The following CDH6 variants were observed in gnomAD, a reference collection of about 807,000 sequenced individuals.
The protein encoded by CDH6 is cadherin 6, also known as cadherin-6.
CDH6 carries 31 observed loss-of-function variants against 78.0 expected under a neutral mutation model. That is an observed-to-expected ratio of 0.40 (90% CI 0.30 to 0.54). The LOEUF is 0.54. Among genes scored for constraint, CDH6 ranks in the 20% least tolerant of loss-of-function variants. The pLI is 0.56. For synonymous variants in CDH6, 376 were observed against 368.8 expected (o/e 1.02, Z -0.23); for missense variants, 724 against 975.9 (o/e 0.74, Z 3.44).
chr5:31,254,778 A>G (rs898066043), intron 1 of CDH6, among the ~76,000 whole-genome samples: 3 of 152,230 alleles, frequency 2.0e-5, no homozygotes, highest in African/African-American at 7.2e-5. Flanking sequence ...ATTTTTTCAT[A>G]AAGCTACAGA....
rs1435437843 is a variant in CDH6 at position 31,294,349 on chromosome 5, G to A, written c.523+93G>A. The A allele has an allele frequency of 2.1e-6, 2 of 948,602 alleles. No individual in the cohort carries two copies. Among genetic ancestry groups the A allele is most frequent in the Non-Finnish European group, 3.3e-6 (2 of 613,854 alleles). The allele number at this position is 948,602 out of a possible 1,614,324, so 58.8% of individuals were successfully genotyped here. On this transcript the variant is annotated intron_variant, in intron 3 of 11. Transcript: ENST00000265071. The surrounding 1 kb of genome is among the most constrained non-coding windows in gnomAD (Gnocchi z 4.1). ...ACGAGCTCAAAGTACTGAACTGCAT[G>A]AATTTAGATGCTAACTTCTTCAATC...
chr5:31,261,627 A>G (rs1199566848), intron 1 of CDH6, among the ~76,000 whole-genome samples: 2 of 152,214 alleles, frequency 1.3e-5, no homozygotes, highest in African/African-American at 2.4e-5. Flanking sequence ...TGTGCTTTCA[A>G]TGCCAAAGTT....
intron 1 of CDH6, among the ~76,000 whole-genome samples, chr5:31,205,664 A>G (rs907443193): frequency 3.3e-5 from 5 of 152,194 alleles, no homozygotes; most frequent in Non-Finnish European, 5.9e-5. Flanking sequence ...TTACAGTTTT[A>G]GTAGCCATAT....
intron 1 of CDH6, chr5:31,249,407 A>C (rs909251301): frequency 6.6e-6 from 1 of 152,244 alleles, no homozygotes; most frequent in African/African-American, 2.4e-5. Context: ...CACTGACCTC[A>C]ATCAACTGAT....
intron 1 of CDH6, among the ~76,000 whole-genome samples, chr5:31,240,813 C>T (rs916113016): frequency 6.6e-6 from 1 of 152,148 alleles, no homozygotes; most frequent in Non-Finnish European, 1.5e-5. Flanking sequence ...CACAGTTGAA[C>T]ATTACGAAAT....
chr5:31,278,313 A>G (rs1249053978), intron 2 of CDH6, among the ~76,000 whole-genome samples: 1 of 152,192 alleles, frequency 6.6e-6, no homozygotes, highest in Admixed American at 6.5e-5. Flanking sequence ...CAAATATTTT[A>G]TGATACAAAA....
At chr5:31,261,952 C>T (rs570979018) in intron 1 of CDH6, among the ~76,000 whole-genome samples, 29 of 152,070 alleles carry the variant, frequency 1.9e-4, no homozygotes, top group Non-Finnish European at 3.8e-4. Context: ...TAATTATTTG[C>T]GAATAAAAGT....
chr5:31,246,750 GTTGTT>G (rs932146403), intron 1 of CDH6, among the ~76,000 whole-genome samples: 5 of 152,154 alleles, frequency 3.3e-5, no homozygotes, highest in African/African-American at 7.2e-5. Context: ...TTTTTGTTCT[GTTGTT>G]TTGTTTTGTT....
chr5:31,274,400 T>C (rs1397187350), intron 2 of CDH6, among the ~76,000 whole-genome samples: 1 of 152,234 alleles, frequency 6.6e-6, no homozygotes, highest in East Asian at 1.9e-4. Flanking sequence ...ACTCTTACCC[T>C]GGCCAGCCGC....
At chr5:31,262,007 CT>C (rs1195034864) in intron 1 of CDH6, among the ~76,000 whole-genome samples, 2 of 152,098 alleles carry the variant, frequency 1.3e-5, no homozygotes, top group African/African-American at 4.8e-5. Context: ...GCTAGTTTGT[CT>C]TCTCATTCTA....
At chr5:31,310,409 G>A (rs969556230) in intron 7 of CDH6, among the ~76,000 whole-genome samples, 2 of 152,334 alleles carry the variant, frequency 1.3e-5, no homozygotes, top group African/African-American at 4.8e-5. Context: ...TTCATGGGCT[G>A]GCATTAAGTG....
chr5:31,203,125 A>C (rs1300337873), intron 1 of CDH6, among the ~76,000 whole-genome samples: 1 of 151,918 alleles, frequency 6.6e-6, no homozygotes, highest in Non-Finnish European at 1.5e-5. Context: ...ATAAAAGATT[A>C]ATTCTATTAG....
intron 11 of CDH6, chr5:31,318,429 A>G: frequency 3.9e-6 from 1 of 259,644 alleles, no homozygotes; most frequent in Non-Finnish European, 7.5e-6. Context: ...TTGATTTACC[A>G]TTTAAATGAT....
chr5:31,305,102 G>C, intron 6 of CDH6, 72 bp from the exon 7 acceptor site: 1 of 1,482,398 alleles, frequency 6.7e-7, no homozygotes, highest in East Asian at 2.3e-5. Flanking sequence ...CACCAAAAAT[G>C]TTTCGTGTCT....
At chr5:31,317,584 T>G in intron 10 of CDH6, 89 bp from the exon 11 acceptor site, 1 of 1,530,382 alleles carries the variant, frequency 6.5e-7, no homozygotes, top group East Asian at 2.3e-5. Flanking sequence ...TGTACATATC[T>G]GTATCTATAT....
At chr5:31,236,013 T>A (rs1741444759) in intron 1 of CDH6, among the ~76,000 whole-genome samples, 1 of 152,206 alleles carries the variant, frequency 6.6e-6, no homozygotes, top group Non-Finnish European at 1.5e-5. Flanking sequence ...GCCAATAATT[T>A]ATTCTTTTTT....
chr5:31,302,903 AAAAGAAAGAAAGAAAGAAAGAAAGAAAG>A (rs70953502), intron 6 of CDH6, among the ~76,000 whole-genome samples: 3 of 90,424 alleles, frequency 3.3e-5, no homozygotes, highest in Non-Finnish European at 6.9e-5. Flanking sequence ...AAGAAAGAAA[AAAAGAAAGAAAGAAAGAAAGAAAGAAAG>A]AAAGAAAGAA....
chr5:31,194,230 G>A (rs539085987), intron 1 of CDH6, among the ~76,000 whole-genome samples: 1 of 152,338 alleles, frequency 6.6e-6, no homozygotes, highest in Admixed American at 6.5e-5. Context: ...CGCCGGCAGA[G>A]GCTGCCAGGG....
At chr5:31,211,686 G>A (rs1321724381) in intron 1 of CDH6, among the ~76,000 whole-genome samples, 1 of 152,022 alleles carries the variant, frequency 6.6e-6, no homozygotes, top group African/African-American at 2.4e-5. Context: ...AATGCATTTA[G>A]GTGGTTGTGA....
Sources: allele counts gnomAD v4.1 joint callset (sites outside exome capture counted in the v4.1 genomes callset), GRCh38; gene constraint gnomAD v4.1.1; non-coding constraint Gnocchi (gnomAD v3.1); transcripts MANE v1.5; gene names NCBI Gene and HGNC (gene_info 2026-07-23, HGNC 2026-07-21).